The following PALS1 variants were observed in gnomAD, a reference collection of about 807,000 sequenced individuals.
PALS1 encodes protein associated with LIN7 1, MAGUK p55 family member, also known as protein PALS1.
Under a neutral mutation model 78.9 loss-of-function variants are expected in PALS1, and 31 were observed. The observed-to-expected ratio is 0.39, with a 90% CI of 0.30 to 0.53. The LOEUF is 0.53. Among genes scored for constraint, PALS1 ranks in the 20% least tolerant of loss-of-function variants. PALS1 has a pLI of 0.67. For synonymous variants in PALS1, 276 were observed against 270.9 expected (o/e 1.02, Z -0.18); for missense variants, 704 against 826.5 (o/e 0.85, Z 1.82).
chr14:67,303,643 C>T (rs754747566), intron 8 of PALS1, 44 bp downstream of exon 8: 2 of 1,293,706 alleles, frequency 1.5e-6, no homozygotes, highest in South Asian at 1.2e-5. Context: ...TTTGTGGATG[C>T]TGTTTACTTC....
At position 67,280,792 on chromosome 14, in the gene PALS1, TTTCCTTCCTTCCTTCCTTCC is replaced by T. The variant is rs781369868; in HGVS notation, c.367+1300_367+1319del. Among the ~76,000 whole-genome samples, 59 of 77,664 alleles carry T rather than the reference TTTCCTTCCTTCCTTCCTTCC, an allele frequency of 7.6e-4. No individual in the cohort carries two copies. In the East Asian group the frequency reaches 7.9e-3, roughly 10 times the overall value. The allele number at this position is 77,664 out of a possible 152,430, so 51.0% of individuals were successfully genotyped here. ...TCTCTTTATTCCAACTCTGGAGCAG[TTTCCTTCCTTCCTTCCTTCC>T]TTCCTTCCTTCCTTCCTTCCTTCCT... On this transcript the variant is annotated intron_variant, in intron 3 of 14. Transcript: ENST00000261681.
rs1375094784 is a variant in PALS1, at chr14:67,324,561, TG to T, written c.1851+750del. Among the ~76,000 whole-genome samples, 4 of 151,730 alleles carry T rather than the reference TG, an allele frequency of 2.6e-5. No individual in the cohort carries two copies. In the South Asian group the frequency reaches 6.2e-4, roughly 24 times the overall value. On this transcript the variant is annotated intron_variant, in intron 14 of 14. Transcript: ENST00000261681. ...CATATTTACACTCCTTTCTTTTGATTGTTTTTTTTGTTGTTGTTGTTGTTTT... is the reference window on the plus strand; with the variant it reads ...CATATTTACACTCCTTTCTTTTGATTTTTTTTTTGTTGTTGTTGTTGTTTT...
intron 1 of PALS1, chr14:67,254,293 G>A (rs188248552): frequency 1.8e-4 from 27 of 150,448 alleles, no homozygotes; most frequent in Admixed American, 1.6e-3. Context: ...GTGGGTACTC[G>A]CCTTGTTGAA....
chr14:67,286,217 C>T (rs2084684427), intron 3 of PALS1, among the ~76,000 whole-genome samples: 1 of 152,146 alleles, frequency 6.6e-6, no homozygotes, highest in South Asian at 2.1e-4. Context: ...ACTTTTTTGT[C>T]CACTCCCAAC....
Position 67,279,027 on chromosome 14 carries a change from A to G in PALS1, c.-144A>G. The G allele has an allele frequency of 1.4e-6, 1 of 730,416 alleles. No homozygotes were observed. Among genetic ancestry groups the G allele is most frequent in the Non-Finnish European group, 2.0e-6 (1 of 498,838 alleles). 45.2% of individuals were successfully genotyped at this position (730,416 alleles called of 1,614,324 possible). On this transcript the variant is annotated 5_prime_UTR_variant, in exon 3 of 15. It removes an upstream start codon present in the reference 5' UTR. Transcript: ENST00000261681. ...CCATCTTTCCCCTTAGATTTCCTTC[A>G]TGGATACTTTTTCATAGCATTATTA...
At chr14:67,251,409 T>C (rs1434317857) in intron 1 of PALS1, among the ~76,000 whole-genome samples, 1 of 152,096 alleles carries the variant, frequency 6.6e-6, no homozygotes. Context: ...GGTGTGTGCC[T>C]GTGGTCCCAG....
intron 8 of PALS1, among the ~76,000 whole-genome samples, chr14:67,308,013 G>A (rs1434984720): frequency 6.6e-6 from 1 of 152,058 alleles, no homozygotes; most frequent in African/African-American, 2.4e-5. Flanking sequence ...TCTCTTACAT[G>A]TGGGAGCTAA....
In PALS1 at chr14:67,317,329, A is replaced by G. The variant is rs1311504678; in HGVS notation, c.1298-79A>G. ...AAATTTAAAGAATAAATGAATGAAT[A>G]AATAGAGTTCTTCAATTTGAGTTAT... On this transcript the variant is annotated intron_variant, in intron 10 of 14. Transcript: ENST00000261681. 9 of 1,247,354 alleles carry G rather than the reference A, an allele frequency of 7.2e-6. No individual in the cohort carries two copies. The East Asian group carries it at 1.5e-4, about 20-fold the overall frequency. The allele number at this position is 1,247,354 out of a possible 1,614,324, so 77.3% of individuals were successfully genotyped here.
intron 2 of PALS1, chr14:67,270,678 T>C (rs935959059): frequency 5.3e-5 from 8 of 151,926 alleles, no homozygotes; most frequent in African/African-American, 1.7e-4. Flanking sequence ...ACTACATGTA[T>C]GGGCTAGAGT....
chr14:67,318,594 A>G (rs941784193), intron 11 of PALS1, among the ~76,000 whole-genome samples: 1 of 152,066 alleles, frequency 6.6e-6, no homozygotes, highest in Non-Finnish European at 1.5e-5. Flanking sequence ...TTTTTCAGAG[A>G]AAATCATTTT....
chr14:67,248,423 G>C (rs1284749046), intron 1 of PALS1, among the ~76,000 whole-genome samples: 1 of 151,952 alleles, frequency 6.6e-6, no homozygotes, highest in Non-Finnish European at 1.5e-5. Context: ...GTAGAGTCAA[G>C]GTATTCATTA....
intron 14 of PALS1, among the ~76,000 whole-genome samples, chr14:67,326,820 T>C (rs999910286): frequency 3.9e-5 from 6 of 152,228 alleles, no homozygotes; most frequent in African/African-American, 1.4e-4. Context: ...TAATGCTGAG[T>C]AATATACTAT....
intron 13 of PALS1, among the ~76,000 whole-genome samples, chr14:67,323,261 G>GTGTGTATATATA (rs1429954753): frequency 0.073 from 9,005 of 123,920 alleles, 559 homozygotes; most frequent in African/African-American, 0.17. Context: ...GTGTGTGTGT[G>GTGTGTATATATA]TATATATATA....
rs1165333864 is a variant in PALS1, at chr14:67,293,644, C to G, written c.576+925C>G. Among the ~76,000 whole-genome samples, 3 of 152,096 alleles carry G rather than the reference C, an allele frequency of 2.0e-5. No homozygotes were observed. The East Asian group carries it at 5.8e-4, about 29-fold the overall frequency. ...GAGATTGAAATAACATTACCTTGAT[C>G]TTATACTATTCACACATGTAGGCAA... On this transcript the variant is annotated intron_variant, in intron 4 of 14. Transcript: ENST00000261681.
chr14:67,332,257 A>G (rs1595626570), intron 14 of PALS1, among the ~76,000 whole-genome samples: 2 of 152,150 alleles, frequency 1.3e-5, no homozygotes, highest in African/African-American at 2.4e-5. Flanking sequence ...TTCAGTCAGT[A>G]TTTTAAAGTA....
chr14:67,306,127 A>T (rs1025329253), intron 8 of PALS1, among the ~76,000 whole-genome samples: 1 of 152,092 alleles, frequency 6.6e-6, no homozygotes, highest in African/African-American at 2.4e-5. Flanking sequence ...ATGCCACCAC[A>T]TCCAGCTAAT....
chr14:67,244,460 A>G, intron 1 of PALS1, among the ~76,000 whole-genome samples: 1 of 152,218 alleles, frequency 6.6e-6, no homozygotes, highest in East Asian at 1.9e-4. Flanking sequence ...GAGAAATGAT[A>G]TAATTGCTTC....
chr14:67,289,993 C>T (rs189623679), intron 3 of PALS1, among the ~76,000 whole-genome samples: 159 of 152,020 alleles, frequency 1.0e-3, no homozygotes, highest in Non-Finnish European at 1.5e-3. Context: ...AGGATGGTCT[C>T]GATCTCCTGA....
At chr14:67,323,857 G>A in intron 14 of PALS1, 45 bp downstream of exon 14, 1 of 990,260 alleles carries the variant, frequency 1.0e-6, no homozygotes, top group Non-Finnish European at 1.5e-6. Context: ...AGGTAAACAT[G>A]AAACAGTCCT....
Sources: allele counts gnomAD v4.1 joint callset (sites outside exome capture counted in the v4.1 genomes callset), GRCh38; gene constraint gnomAD v4.1.1; transcripts MANE v1.5; gene names NCBI Gene and HGNC (gene_info 2026-07-23, HGNC 2026-07-21).